The following RBPJ variants were observed in gnomAD, a reference collection of about 807,000 sequenced individuals.
RBPJ encodes recombination signal binding protein for immunoglobulin kappa J region.
A neutral mutation model predicts 67.8 loss-of-function variants in RBPJ; 9 were observed. The observed-to-expected ratio is 0.13, with a 90% CI of 0.08 to 0.23. The LOEUF (loss-of-function observed/expected upper bound fraction) is 0.23. RBPJ is among the 10% of genes least tolerant of loss of function. The probability of loss-of-function intolerance (pLI) is 1.00; values close to 1 mark genes in which losing one functional copy is unlikely to be tolerated. For missense variants in RBPJ, 305 were observed against 595.6 expected, an observed-to-expected ratio of 0.51 and a Z score of 5.08; for synonymous variants, 198 against 203.3, an observed-to-expected ratio of 0.97 and a Z score of 0.22.
chr4:26,358,229 G>A (rs1163484741), intron 1 of RBPJ, among the ~76,000 whole-genome samples: 2 of 152,032 alleles, frequency 1.3e-5, no homozygotes, highest in East Asian at 1.9e-4. Flanking sequence ...AATATATCAT[G>A]ACCATTGGAA....
chr4:26,262,767 T>C (rs939231053), intron 1 of RBPJ, among the ~76,000 whole-genome samples: 3 of 152,198 alleles, frequency 2.0e-5, no homozygotes, highest in Non-Finnish European at 4.4e-5. Context: ...ATTCCAACAG[T>C]TGGGACATCC....
chr4:26,140,513 G>A, the RBPJ span, among the ~76,000 whole-genome samples: 15 of 152,020 alleles, frequency 9.9e-5, no homozygotes, highest in South Asian at 2.1e-4. Flanking sequence ...ATCTCCATTC[G>A]TGGTGACAAA....
intron 1 of RBPJ, among the ~76,000 whole-genome samples, chr4:26,214,552 GGAAAAGAGAGA>G (rs1482940973): frequency 5.5e-5 from 6 of 109,238 alleles, no homozygotes; most frequent in East Asian, 3.0e-4. Flanking sequence ...AGGGAGGGAG[GGAAAAGAGAGA>G]GAAAAGAGAA....
At chr4:26,374,171 C>T (rs990262196) in intron 1 of RBPJ, among the ~76,000 whole-genome samples, 2 of 152,058 alleles carry the variant, frequency 1.3e-5, no homozygotes, top group South Asian at 2.1e-4. Flanking sequence ...AACTCCTGAC[C>T]TCAGGTGATC....
chr4:26,123,688 CTATTTTT>C, the RBPJ span, among the ~76,000 whole-genome samples: 1 of 152,126 alleles, frequency 6.6e-6, no homozygotes. Flanking sequence ...AAGCTATTTT[CTATTTTT>C]AACATTTTTA....
intron 1 of RBPJ, among the ~76,000 whole-genome samples, chr4:26,356,101 G>GTAAACATTCCTT (rs1286352593): frequency 2.3e-4 from 35 of 152,216 alleles, no homozygotes; most frequent in African/African-American, 8.2e-4. Context: ...GCCCATGTTG[G>GTAAACATTCCTT]TAAACATTCC....
chr4:26,426,098 C>T (rs1171299909), intron 7 of RBPJ, among the ~76,000 whole-genome samples: 1 of 151,914 alleles, frequency 6.6e-6, no homozygotes, highest in Non-Finnish European at 1.5e-5. Context: ...AAAAGGGTAA[C>T]GTTAGGGAAT....
At chr4:26,255,365 C>T (rs1720282713) in intron 1 of RBPJ, among the ~76,000 whole-genome samples, 1 of 107,766 alleles carries the variant, frequency 9.3e-6, no homozygotes, top group Non-Finnish European at 1.7e-5. Flanking sequence ...GATCGCGCCA[C>T]CGCACTCCAG....
At chr4:26,272,346 A>T (rs1187798008) in intron 1 of RBPJ, among the ~76,000 whole-genome samples, 2 of 152,196 alleles carry the variant, frequency 1.3e-5, no homozygotes, top group Non-Finnish European at 2.9e-5. Context: ...CAAGAGGATC[A>T]CTTTAGGCTG....
At chr4:26,363,124 G>A (rs1039513770) in intron 1 of RBPJ, among the ~76,000 whole-genome samples, 2 of 152,102 alleles carry the variant, frequency 1.3e-5, no homozygotes, top group Non-Finnish European at 2.9e-5. Context: ...AGGATAATGA[G>A]TTATTTATTT....
chr4:26,334,332 A>ATGCCT (rs1553864599), intron 1 of RBPJ, among the ~76,000 whole-genome samples: 1 of 149,932 alleles, frequency 6.7e-6, no homozygotes, highest in Non-Finnish European at 1.5e-5. Context: ...ATGAGTCACC[A>ATGCCT]TGCCTGGCCC....
chr4:26,236,804 CA>C (rs1719466915), intron 1 of RBPJ, among the ~76,000 whole-genome samples: 1 of 152,176 alleles, frequency 6.6e-6, no homozygotes, highest in African/African-American at 2.4e-5. Context: ...TTAAATGAAA[CA>C]ACCCATGTTA....
intron 1 of RBPJ, among the ~76,000 whole-genome samples, chr4:26,324,303 A>T (rs1723390573): frequency 6.6e-6 from 1 of 152,154 alleles, no homozygotes; most frequent in Non-Finnish European, 1.5e-5. Context: ...TATGTATTAT[A>T]ATATGGGTAA....
At chr4:26,142,180 A>G in the RBPJ span, among the ~76,000 whole-genome samples, 25 of 152,370 alleles carry the variant, frequency 1.6e-4, no homozygotes, top group Non-Finnish European at 3.2e-4. Flanking sequence ...AGAAGTACAG[A>G]TGTGAGTAGT....
intron 1 of RBPJ, among the ~76,000 whole-genome samples, chr4:26,347,947 TTTTTTTC>T (rs1206212630): frequency 5.9e-5 from 9 of 151,938 alleles, no homozygotes; most frequent in East Asian, 5.8e-4. Context: ...GTTTCCTTTT[TTTTTTTC>T]TTTTTCTTTT....
intron 1 of RBPJ, among the ~76,000 whole-genome samples, chr4:26,273,609 C>G (rs924257338): frequency 6.6e-6 from 1 of 152,214 alleles, no homozygotes; most frequent in Non-Finnish European, 1.5e-5. Context: ...AGGGAAGAAC[C>G]ACTCTGTATC....
chr4:26,256,874 A>C (rs567432642), intron 1 of RBPJ, among the ~76,000 whole-genome samples: 1 of 152,364 alleles, frequency 6.6e-6, no homozygotes, highest in South Asian at 2.1e-4. Context: ...CGAAGGTCAC[A>C]TTAGTGCTGG....
intron 1 of RBPJ, among the ~76,000 whole-genome samples, chr4:26,281,043 G>C (rs1295323298): frequency 6.6e-6 from 1 of 152,010 alleles, no homozygotes; most frequent in African/African-American, 2.4e-5. Context: ...GTAAACATTT[G>C]TGTTAAACAA....
intron 1 of RBPJ, among the ~76,000 whole-genome samples, chr4:26,360,632 C>T (rs968767023): frequency 4.3e-5 from 6 of 138,390 alleles, no homozygotes; most frequent in Admixed American, 2.4e-4. Flanking sequence ...CTCACTTTGT[C>T]ACCCAGGCTG....
Sources: allele counts gnomAD v4.1 joint callset (sites outside exome capture counted in the v4.1 genomes callset), GRCh38; gene constraint gnomAD v4.1.1; transcripts MANE v1.5; gene names NCBI Gene and HGNC (gene_info 2026-07-23, HGNC 2026-07-21).